Variants in THNSL1 observed in about 807,000 individuals in gnomAD.
THNSL1 encodes the protein threonine synthase like 1.
Under a neutral mutation model 50.4 loss-of-function variants are expected in THNSL1, and 48 were observed. That is an observed-to-expected ratio of 0.95 (90% CI 0.76 to 1.21). THNSL1 has a LOEUF of 1.21. Among genes scored for constraint, THNSL1 ranks in the 50% most tolerant of loss-of-function variants. The probability of loss-of-function intolerance (pLI) is 0.00; values close to 1 mark genes in which losing one functional copy is unlikely to be tolerated. For synonymous variants in THNSL1, 309 were observed against 306.1 expected (o/e 1.01, Z -0.10); for missense variants, 896 against 871.7 (o/e 1.03, Z -0.35).
At position 25,023,924 on chromosome 10, in the gene THNSL1, C is replaced by T. The variant is rs760153062; in HGVS notation, c.701C>T (p.Thr234Ile). The part of the protein sequence containing the change: ...QDVDSETFIS[T>I]RHVWPEDCEQ... ...GTGGACTCGGAAACATTCATTTCAA[C>T]AAGACACGTTTGGCCTGAAGACTGT... The change falls in exon 3 of 3, where the codon ACA becomes ATA. Residue 234 changes from threonine to isoleucine, a missense_variant. Physicochemically the swap from Thr to Ile is moderately conservative, Grantham distance 89. Coordinates refer to ENST00000376356, the MANE Select transcript of THNSL1 (RefSeq NM_024838.5). 2 of 1,614,146 alleles carry T rather than the reference C, an allele frequency of 1.2e-6. No individual in the cohort carries two copies. Among genetic ancestry groups the T allele is most frequent in the Non-Finnish European group, 8.5e-7 (1 of 1,180,018 alleles).
At chr10:24,952,796 C>T in the THNSL1 span, among the ~76,000 whole-genome samples, 1 of 151,500 alleles carries the variant, frequency 6.6e-6, no homozygotes, top group Non-Finnish European at 1.5e-5. This position sits in a 1 kb window ranked among gnomAD's most constrained non-coding sequence, Gnocchi z 5.1. Context: ...GCCGCGGGGG[C>T]GCGGGGAGCA....
At chr10:24,998,042 G>A in the THNSL1 span, among the ~76,000 whole-genome samples, 3 of 152,154 alleles carry the variant, frequency 2.0e-5, no homozygotes. Flanking sequence ...CATGAATGTT[G>A]TATTTCCACA....
At chr10:25,020,482 A>C (rs1219545362) in intron 1 of THNSL1, among the ~76,000 whole-genome samples, 1 of 152,164 alleles carries the variant, frequency 6.6e-6, no homozygotes, top group Non-Finnish European at 1.5e-5. Context: ...TGAAAGATTT[A>C]CTGGGCCAGT....
At chr10:25,006,331 T>A in the THNSL1 span, among the ~76,000 whole-genome samples, 1 of 152,176 alleles carries the variant, frequency 6.6e-6, no homozygotes, top group East Asian at 1.9e-4. Context: ...ACACACATGG[T>A]CTCCTCTCTC....
Position 25,024,054 on chromosome 10 carries a change from C to A in THNSL1, c.831C>A (p.Cys277Ter), listed in dbSNP as rs139320391. Residue 277 changes from cysteine to a stop codon, truncating the protein, a stop_gained, in exon 3 of 3, where the codon TGC (cysteine) becomes TGA (stop). Coordinates refer to ENST00000376356, the MANE Select transcript of THNSL1 (RefSeq NM_024838.5). LOFTEE classifies it high-confidence loss of function. ...VPAKEFPKLS[C>*]GEWKSLVGAT... ...CAAAGGAGTTTCCAAAATTAAGCTG[C>A]GGGGAGTGGAAAAGCCTAGTAGGAG... The A allele has an allele frequency of 5.6e-6, 9 of 1,614,064 alleles. No individual in the cohort carries two copies. The highest frequency in any genetic ancestry group is 3.3e-5 in the Admixed American group (2 of 60,010).
At chr10:24,984,572 G>A in the THNSL1 span, 19 of 1,007,234 alleles carry the variant, frequency 1.9e-5, no homozygotes, top group Non-Finnish European at 2.5e-5. Context: ...TCTTGTGTAA[G>A]TGAATAACTC....
chr10:24,984,251 C>T, the THNSL1 span: 3 of 1,149,350 alleles, frequency 2.6e-6, no homozygotes, highest in South Asian at 3.6e-5. Flanking sequence ...GAAAATACAT[C>T]TTTTGCATTT....
In THNSL1 at chr10:25,024,910, T is replaced by C. The variant is rs185966701; in HGVS notation, c.1687T>C (p.Ser563Pro). Residue 563 changes from serine to proline, a missense_variant, in exon 3 of 3, where the codon TCA becomes CCA. Transcript: ENST00000376356. Reference protein sequence around the residue: ...ERKLAQTFSPSIDILKSSNLE... With the variant: ...ERKLAQTFSPPIDILKSSNLE... ...AAAACTAGCACAAACCTTTTCACCGTCAATAGATATTCTCAAATCTTCAAA... is the reference window on the plus strand; with the variant it reads ...AAAACTAGCACAAACCTTTTCACCGCCAATAGATATTCTCAAATCTTCAAA... 1.6e-4 allele frequency: 263 copies of C among 1,613,900 alleles called. 3 individuals are homozygous for C. The Admixed American group carries it at 4.3e-3, about 27-fold the overall frequency.
chr10:24,968,944 AGTCCACTG>A, the THNSL1 span, among the ~76,000 whole-genome samples: 1 of 152,154 alleles, frequency 6.6e-6, no homozygotes, highest in Non-Finnish European at 1.5e-5. Flanking sequence ...CCCAGGCTGG[AGTCCACTG>A]GTGTGACCTC....
the THNSL1 span, among the ~76,000 whole-genome samples, chr10:25,000,658 A>G: frequency 5.3e-5 from 8 of 152,084 alleles, 1 homozygote; most frequent in Admixed American, 2.6e-4. Context: ...GTAATAGTAT[A>G]TGTTTTTCCA....
chr10:24,963,758 T>C, the THNSL1 span, among the ~76,000 whole-genome samples: 1 of 152,210 alleles, frequency 6.6e-6, no homozygotes. Flanking sequence ...TGCTTTTTCC[T>C]AGAGAAAAAT....
chr10:24,980,285 C>T, the THNSL1 span, among the ~76,000 whole-genome samples: 1 of 152,020 alleles, frequency 6.6e-6, no homozygotes, highest in Non-Finnish European at 1.5e-5. Context: ...GGTTTCCTGC[C>T]CCAGATCCTT....
chr10:24,967,898 G>T, the THNSL1 span, among the ~76,000 whole-genome samples: 1 of 151,446 alleles, frequency 6.6e-6, no homozygotes, highest in Non-Finnish European at 1.5e-5. Context: ...GTGTATGTGT[G>T]TATGATGTAT....
chr10:24,997,807 T>TTATATATATATATATATATATATATATA, the THNSL1 span, among the ~76,000 whole-genome samples: 212 of 144,778 alleles, frequency 1.5e-3, 3 homozygotes, highest in African/African-American at 5.1e-3. Flanking sequence ...CACAAAGGAT[T>TTATATATATATATATATATATATATATA]TATATATATA....
At chr10:25,001,957 G>A in the THNSL1 span, among the ~76,000 whole-genome samples, 1 of 152,098 alleles carries the variant, frequency 6.6e-6, no homozygotes, top group African/African-American at 2.4e-5. Flanking sequence ...GTTTGTTGCT[G>A]AATTTTTCTC....
the THNSL1 span, chr10:24,983,848 C>T: frequency 1.3e-5 from 2 of 152,020 alleles, no homozygotes; most frequent in African/African-American, 2.4e-5. Flanking sequence ...ATAACCTTTT[C>T]CTTTTAGATA....
the THNSL1 span, among the ~76,000 whole-genome samples, chr10:25,005,388 C>T: frequency 6.6e-6 from 1 of 152,102 alleles, no homozygotes; most frequent in Non-Finnish European, 1.5e-5. Context: ...ATTTTAAAAA[C>T]CATTTATTTC....
At chr10:25,003,549 CTT>C in the THNSL1 span, among the ~76,000 whole-genome samples, 1 of 152,186 alleles carries the variant, frequency 6.6e-6, no homozygotes, top group Non-Finnish European at 1.5e-5. Flanking sequence ...ATTTTTAAAA[CTT>C]AATATAGTGT....
the THNSL1 span, among the ~76,000 whole-genome samples, chr10:24,970,297 C>G: frequency 6.6e-6 from 1 of 152,164 alleles, no homozygotes; most frequent in African/African-American, 2.4e-5. Flanking sequence ...AATGTCTAAG[C>G]TACACAAATT....
Sources: gnomAD v4.1 joint callset for allele counts (sites outside exome capture counted in the v4.1 genomes callset) on GRCh38, gnomAD v4.1.1 for gene constraint, Gnocchi (gnomAD v3.1) non-coding constraint, MANE v1.5 for transcripts, NCBI Gene and HGNC (gene_info 2026-07-23, HGNC 2026-07-21) for gene names.